Variants in AWAT1 observed in about 807,000 individuals in gnomAD.
The protein encoded by AWAT1 is diacyl-glycerol acyltransferase 2.
In AWAT1, 26 loss-of-function variants were observed where a neutral mutation model predicts 21.6. The observed-to-expected ratio is 1.20, with a 90% CI of 0.88 to 1.67. AWAT1 has a LOEUF of 1.67. AWAT1 is among the 40% of genes most tolerant of loss of function. The pLI is 0.00. For synonymous variants in AWAT1, 102 were observed against 99.3 expected (o/e 1.03, Z -0.16); for missense variants, 264 against 249.4 (o/e 1.06, Z -0.39).
At chrX:70,238,469 A>G (rs2085524662) in intron 5 of AWAT1, 86 bp downstream of exon 5, 4 of 982,694 alleles carry the variant, frequency 4.1e-6, no homozygotes, top group Non-Finnish European at 5.3e-6. Context: ...TCAGATGTGA[A>G]TTTTGCCCTC....
Position 70,236,079 on chromosome X carries a change from T to A in AWAT1, c.195T>A (p.Arg65=), listed in dbSNP as rs2085513472. ...CTTCTTTTGCCTCAGGTGGCAGGCG[T>A]TCGGCCTGGGTAAGGAACTGGTGTG... ...DWKTPERGGR[R]SAWVRNWCVW... The change falls in exon 3 of 7, where the codon CGT becomes CGA. Residue 65 remains arginine, a synonymous_variant. Coordinates refer to ENST00000374521, the MANE Select transcript of AWAT1 (RefSeq NM_001013579.3). 8.3e-7 allele frequency: 1 copy of A among 1,208,425 alleles called. No homozygotes were observed. The highest frequency in any genetic ancestry group is 2.2e-5 in the Admixed American group (1 of 45,656).
At position 70,237,195 on chromosome X, in the gene AWAT1, C is replaced by T. The variant is rs757672787; in HGVS notation, c.407C>T (p.Thr136Met). The change falls in exon 4 of 7, where the codon ACG becomes ATG. Residue 136 changes from threonine (T) to methionine (M), a missense_variant. Transcript: ENST00000374521. Reference sequence around the variant, plus strand: ...CCAGGCATCACTCCTCACTTGGCCACGCTGTCCTGGTTCTTCAAGATCCCC... The same window carrying T: ...CCAGGCATCACTCCTCACTTGGCCATGCTGTCCTGGTTCTTCAAGATCCCC... ...TFPGITPHLA[T>M]LSWFFKIPFV... 9.1e-6 allele frequency: 11 copies of T among 1,206,770 alleles called. No individual in the cohort carries two copies. The highest frequency in any genetic ancestry group is 2.3e-4 in the Middle Eastern group (1 of 4,372).
intron 4 of AWAT1, among the ~76,000 whole-genome samples, chrX:70,237,747 G>A (rs5980907): frequency 0.069 from 6,775 of 98,412 alleles, 262 homozygotes; most frequent in Middle Eastern, 0.12. Context: ...CAGGAGAATC[G>A]TTTGAACCCA....
At position 70,237,157 on chromosome X, in the gene AWAT1, C is replaced by T; in HGVS notation, c.369C>T (p.Phe123=). 8.3e-7 allele frequency: 1 copy of T among 1,208,037 alleles called. No homozygotes were observed. Among genetic ancestry groups the T allele is most frequent in the Non-Finnish European group, 1.1e-6 (1 of 893,826 alleles). ...FCNFCTEATG[F]SKTFPGITPH... is the part of the protein sequence containing the mutation. ...ACTTCTGCACTGAGGCCACAGGCTT[C>T]TCGAAGACCTTCCCAGGCATCACTC... Residue 123 remains phenylalanine (F), a synonymous_variant, in exon 4 of 7, where the codon TTC becomes TTT. Coordinates refer to ENST00000374521, the MANE Select transcript of AWAT1 (RefSeq NM_001013579.3).
At position 70,238,239 on chromosome X, in the gene AWAT1, T is replaced by C; in HGVS notation, c.488T>C (p.Ile163Thr). 8.3e-7 allele frequency: 1 copy of C among 1,209,328 alleles called. No homozygotes were observed. The highest frequency in any genetic ancestry group is 1.7e-5 in the African/African-American group (1 of 57,821). ...KGVCSVSQPA[I>T]NYLLSHGTGN... The stretch of plus-strand genomic sequence containing the variant: ...GTGTGCTCTGTGAGCCAGCCAGCCA[T>C]CAACTATCTGCTGAGCCATGGCACT... The change falls in exon 5 of 7, where the codon ATC (isoleucine) becomes ACC (threonine). Residue 163 changes from isoleucine to threonine, a missense_variant. Physicochemically the swap from Ile to Thr is moderately conservative, Grantham distance 89. Coordinates refer to ENST00000374521, the MANE Select transcript of AWAT1 (RefSeq NM_001013579.3).
rs769098865 is a variant in AWAT1 at position 70,239,786 on chromosome X, G to C, written c.684G>C (p.Gln228His). The change falls in exon 6 of 7, where the codon CAG becomes CAC. Residue 228 changes from glutamine (Q) to histidine (H), a missense_variant. Transcript: ENST00000374521. ...TTGGGGAAACTGAGGTGTATGATCA[G>C]GTGCTGTTCCATAAGGATAGCAGGA... is the stretch of plus-strand genomic sequence containing the variant. ...FTFGETEVYD[Q>H]VLFHKDSRMY... 16 of 1,209,444 alleles carry C rather than the reference G, an allele frequency of 1.3e-5. No homozygotes were observed. The highest frequency in any genetic ancestry group is 1.8e-5 in the Non-Finnish European group (16 of 894,828).
chrX:70,236,834 CAGG>C (rs1360600627), intron 3 of AWAT1, among the ~76,000 whole-genome samples: 1 of 111,889 alleles, frequency 8.9e-6, no homozygotes, highest in Non-Finnish European at 1.9e-5. Context: ...TAGCCACAGG[CAGG>C]AGATCTGGCA....
chrX:70,236,089 G>A lies in AWAT1; in HGVS notation c.205G>A (p.Val69Ile). ...PERGGRRSAW[V>I]RNWCVWTHIR... ...CTCAGGTGGCAGGCGTTCGGCCTGG[G>A]TAAGGAACTGGTGTGTCTGGACCCA... is the stretch of plus-strand genomic sequence containing the variant. The change falls in exon 3 of 7, where the codon GTA becomes ATA. Residue 69 changes from valine (V) to isoleucine (I), a missense_variant. Transcript: ENST00000374521. The A allele has an allele frequency of 8.3e-7, 1 of 1,211,095 alleles. No individual in the cohort carries two copies. Among genetic ancestry groups the A allele is most frequent in the Admixed American group, 2.2e-5 (1 of 46,025 alleles).
Position 70,234,703 on chromosome X carries a change from A to G in AWAT1, c.8A>G (p.His3Arg), listed in dbSNP as rs747940140. 14 of 1,210,317 alleles carry G rather than the reference A, an allele frequency of 1.2e-5. No individual in the cohort carries two copies. Among genetic ancestry groups the G allele is most frequent in the Non-Finnish European group, 1.3e-5 (12 of 894,511 alleles). The change falls in exon 1 of 7, where the codon CAT becomes CGT. Residue 3 changes from histidine to arginine, a missense_variant. Physicochemically the swap from His to Arg is conservative, Grantham distance 29 (BLOSUM62 0). Transcript: ENST00000374521. MAHSKQPSHFQSL... is the reference protein window; with the variant it reads MARSKQPSHFQSL... ...CTCAGGCTCCCGAGAATCATGGCTCATTCCAAGCAGCCTAGTCACTTCCAG... is the reference window on the plus strand; with the variant it reads ...CTCAGGCTCCCGAGAATCATGGCTCGTTCCAAGCAGCCTAGTCACTTCCAG...
chrX:70,236,444 G>A (rs887225076), intron 3 of AWAT1, among the ~76,000 whole-genome samples: 3 of 111,899 alleles, frequency 2.7e-5, no homozygotes, highest in Non-Finnish European at 5.6e-5. Flanking sequence ...TGAATAGGAT[G>A]CAATTCTCTG....
chrX:70,237,831 C>CAAA (rs34212707), intron 4 of AWAT1, among the ~76,000 whole-genome samples: 44 of 19,364 alleles, frequency 2.3e-3, no homozygotes, highest in East Asian at 2.5e-3. Context: ...AACTCTGTCT[C>CAAA]AAAAAAAAAA....
Position 70,240,411 on chromosome X carries a change from G to C in AWAT1, c.*121G>C, listed in dbSNP as rs1602708964. The C allele has an allele frequency of 1.3e-6, 1 of 788,900 alleles. No individual in the cohort carries two copies. Among genetic ancestry groups the C allele is most frequent in the East Asian group, 3.2e-5 (1 of 31,453 alleles). The allele number at this position is 788,900 out of a possible 1,213,427, so 65.0% of individuals were successfully genotyped here. ...TATATGTGGTAGGGGAGGGCATGAG[G>C]AATTCCTTCTTTGCCTTCTTGCCAC... On this transcript the variant is annotated 3_prime_UTR_variant, in exon 7 of 7. Coordinates refer to ENST00000374521, the MANE Select transcript of AWAT1 (RefSeq NM_001013579.3).
At chrX:70,235,913 G>A in intron 2 of AWAT1, 90 bp downstream of exon 2, 1 of 973,625 alleles carries the variant, frequency 1.0e-6, no homozygotes, top group African/African-American at 1.9e-5. Context: ...CCTCATCCAA[G>A]TTCTCAGAGC....
intron 4 of AWAT1, 117 bp from the exon 5 acceptor site, chrX:70,238,095 C>G (rs777480719): frequency 9.9e-6 from 7 of 704,474 alleles, no homozygotes; most frequent in Non-Finnish European, 1.5e-5. Flanking sequence ...TTAGTCCCAT[C>G]TCATTGCTCC....
Position 70,238,340 on chromosome X carries a change from C to T in AWAT1, c.589C>T (p.Leu197Phe), listed in dbSNP as rs138506101. The T allele has an allele frequency of 1.3e-5, 16 of 1,206,426 alleles. No homozygotes were observed. The highest frequency in any genetic ancestry group is 1.3e-4 in the Admixed American group (6 of 45,671). ...QSVPNTTTLI[L>F]QKRKGFVRTA... ...TGTGCCCAACACCACCACCCTCATC[C>T]TCCAGAAGCGCAAGGGGTTCGTGCG... The change falls in exon 5 of 7, where the codon CTC (leucine) becomes TTC (phenylalanine). Residue 197 changes from leucine to phenylalanine, a missense_variant. Leu to Phe is a conservative substitution (Grantham distance 22). Coordinates refer to ENST00000374521, the MANE Select transcript of AWAT1 (RefSeq NM_001013579.3).
Position 70,238,352 on chromosome X carries a change from A to C in AWAT1, c.601A>C (p.Lys201Gln), listed in dbSNP as rs780581371. 8 of 1,203,455 alleles carry C rather than the reference A, an allele frequency of 6.6e-6. No individual in the cohort carries two copies. The Admixed American group carries it at 1.8e-4, about 26-fold the overall frequency. Residue 201 changes from lysine to glutamine, a missense_variant, in exon 5 of 7, where the codon AAG (lysine) becomes CAG (glutamine). Transcript: ENST00000374521. The part of the protein sequence containing the change: ...NTTTLILQKR[K>Q]GFVRTALQHG... ...CACCACCCTCATCCTCCAGAAGCGC[A>C]AGGGGTTCGTGCGCACAGCCCTCCA...
intron 3 of AWAT1, 68 bp downstream of exon 3, chrX:70,236,207 T>G: frequency 1.1e-6 from 1 of 879,715 alleles, no homozygotes; most frequent in East Asian, 3.1e-5. Flanking sequence ...ACCACATGAC[T>G]AGAGTTGTCC....
intron 1 of AWAT1, 56 bp from the exon 2 acceptor site, chrX:70,235,660 G>A (rs2085511049): frequency 2.3e-6 from 2 of 880,350 alleles, no homozygotes; most frequent in South Asian, 2.0e-5. Context: ...GATGGGACTG[G>A]GCATGGTCAA....
rs1274546519 is a variant in AWAT1, at chrX:70,238,292, G to A, written c.541G>A (p.Gly181Ser). 15 of 1,209,409 alleles carry A rather than the reference G, an allele frequency of 1.2e-5. No homozygotes were observed. In the Admixed American group the frequency reaches 3.1e-4, roughly 25 times the overall value. The change falls in exon 5 of 7, where the codon GGT becomes AGT. Residue 181 changes from glycine to serine, a missense_variant. Transcript: ENST00000374521. ...TGNLVGIVVG[G>S]VGEALQSVPN... is the part of the protein sequence containing the mutation. ...CAACCTCGTGGGCATTGTAGTGGGA[G>A]GTGTGGGTGAGGCCCTGCAAAGTGT...
Sources: gnomAD v4.1 joint callset for allele counts (sites outside exome capture counted in the v4.1 genomes callset) on GRCh38, gnomAD v4.1.1 for gene constraint, MANE v1.5 for transcripts, NCBI Gene and HGNC (gene_info 2026-07-23, HGNC 2026-07-21) for gene names.